Variants in CCNB3 observed in about 807,000 individuals in gnomAD.
CCNB3 encodes the protein G2/mitotic-specific cyclin-B3.
CCNB3 carries 12 observed loss-of-function variants against 68.0 expected under a neutral mutation model. The observed-to-expected ratio is 0.18, with a 90% CI of 0.11 to 0.29. The LOEUF (loss-of-function observed/expected upper bound fraction) is 0.29, where lower values mean the gene tolerates loss of function less well. CCNB3 is among the 10% of genes least tolerant of loss of function. The probability of loss-of-function intolerance (pLI) is 1.00; values close to 1 mark genes in which losing one functional copy is unlikely to be tolerated. For missense variants in CCNB3, 904 were observed against 993.1 expected, an observed-to-expected ratio of 0.91 and a Z score of 1.21; for synonymous variants, 354 against 388.9, an observed-to-expected ratio of 0.91 and a Z score of 1.06.
At position 50,310,462 on chromosome X, in the gene CCNB3, C is replaced by A; in HGVS notation, c.2293C>A (p.Gln765Lys). 1 of 1,209,948 alleles carries A rather than the reference C, an allele frequency of 8.3e-7. No individual in the cohort carries two copies. The highest frequency in any genetic ancestry group is 1.1e-6 in the Non-Finnish European group (1 of 894,432). Residue 765 changes from glutamine (Q) to lysine (K), a missense_variant, in exon 6 of 13, where the codon CAG becomes AAG. Around this residue, in one of 2 missense-constraint regions of CCNB3, gnomAD observed 619 missense variants for 609.8 expected, o/e 1.02. Coordinates refer to ENST00000376042, the MANE Select transcript of CCNB3 (RefSeq NM_033031.3). ...TGGAAAAGTGTTCTTCCTGAAGAAG[C>A]AGTTGGCTTTGAATGAGACCATCAA... Reference protein sequence around the residue: ...SHGKVFFLKKQLALNETINEE... With the variant: ...SHGKVFFLKKKLALNETINEE...
intron 8 of CCNB3, among the ~76,000 whole-genome samples, chrX:50,327,422 A>G (rs181239696): frequency 8.9e-6 from 1 of 112,324 alleles, no homozygotes; most frequent in Non-Finnish European, 1.9e-5. Flanking sequence ...GCTATAACTG[A>G]CACAGCTTGT....
intron 8 of CCNB3, among the ~76,000 whole-genome samples, chrX:50,326,688 T>C (rs1922311145): frequency 9.0e-6 from 1 of 111,671 alleles, no homozygotes; most frequent in Admixed American, 9.6e-5. Context: ...CAGAATGTCG[T>C]CTTTTCATAG....
intron 1 of CCNB3, among the ~76,000 whole-genome samples, chrX:50,216,589 CA>C (rs1274168003): frequency 8.9e-6 from 1 of 111,817 alleles, no homozygotes; most frequent in Non-Finnish European, 1.9e-5. Flanking sequence ...TTTTAAAATT[CA>C]CTTTGCCAAT....
At chrX:50,227,086 A>G (rs1262584189) in intron 1 of CCNB3, among the ~76,000 whole-genome samples, 4 of 82,146 alleles carry the variant, frequency 4.9e-5, no homozygotes, top group Non-Finnish European at 8.7e-5. Context: ...AAGAATATAT[A>G]TAAATATATA....
At chrX:50,347,273 A>G (rs1185621648) in intron 10 of CCNB3, among the ~76,000 whole-genome samples, 7 of 109,974 alleles carry the variant, frequency 6.4e-5, no homozygotes, top group African/African-American at 2.3e-4. Context: ...GGTTGTTTTG[A>G]GGTATGGAAC....
At chrX:50,348,739 A>G (rs1410494485) in intron 11 of CCNB3, among the ~76,000 whole-genome samples, 4 of 112,357 alleles carry the variant, frequency 3.6e-5, no homozygotes, top group Non-Finnish European at 7.5e-5. Context: ...ATAAGAAATA[A>G]CTCCCATGTT....
At chrX:50,325,919 CCTTT>C (rs1922275509) in intron 8 of CCNB3, among the ~76,000 whole-genome samples, 1 of 108,817 alleles carries the variant, frequency 9.2e-6, no homozygotes, top group Non-Finnish European at 1.9e-5. Flanking sequence ...TTTTTATTAT[CCTTT>C]CTTTTAAAAT....
intron 8 of CCNB3, among the ~76,000 whole-genome samples, chrX:50,340,725 A>G (rs782416765): frequency 1.5e-4 from 17 of 112,044 alleles, no homozygotes; most frequent in African/African-American, 4.2e-4. Context: ...TCTAATTTGC[A>G]GAAAGGTACT....
intron 1 of CCNB3, among the ~76,000 whole-genome samples, chrX:50,226,035 G>T (rs1001492219): frequency 2.2e-5 from 2 of 89,225 alleles, no homozygotes; most frequent in African/African-American, 8.1e-5. Flanking sequence ...TATATATATA[G>T]AATATATATA....
chrX:50,329,148 T>C (rs1392270927), intron 8 of CCNB3, among the ~76,000 whole-genome samples: 1 of 111,820 alleles, frequency 8.9e-6, no homozygotes, highest in South Asian at 3.8e-4. Context: ...AAGCTGCCCA[T>C]GGCTCTACAA....
intron 11 of CCNB3, among the ~76,000 whole-genome samples, chrX:50,351,024 A>G (rs782137340): frequency 1.8e-5 from 2 of 111,639 alleles, no homozygotes; most frequent in Non-Finnish European, 3.8e-5. Context: ...ACTGGTACGT[A>G]TGGATATAGC....
intron 8 of CCNB3, among the ~76,000 whole-genome samples, chrX:50,337,200 T>A (rs1298132750): frequency 1.3e-4 from 14 of 109,953 alleles, no homozygotes; most frequent in Non-Finnish European, 2.7e-4. Flanking sequence ...CTACTCTGGG[T>A]GGTCTAGGAG....
chrX:50,226,987 T>G (rs1294507481), intron 1 of CCNB3, among the ~76,000 whole-genome samples: 1 of 75,176 alleles, frequency 1.3e-5, no homozygotes, highest in Admixed American at 2.0e-4. Flanking sequence ...AGTATATATA[T>G]AGAATATATA....
intron 8 of CCNB3, among the ~76,000 whole-genome samples, chrX:50,317,571 T>TATGTATGTATGTATG (rs1557215964): frequency 2.4e-3 from 14 of 5,788 alleles, no homozygotes; most frequent in African/African-American, 8.1e-3. Context: ...ATGTATGTAT[T>TATGTATGTATGTATG]TATTTATTTA....
At chrX:50,347,250 A>G (rs1159966438) in intron 10 of CCNB3, among the ~76,000 whole-genome samples, 2 of 110,411 alleles carry the variant, frequency 1.8e-5, no homozygotes, top group African/African-American at 6.6e-5. Context: ...AGTTTAAATA[A>G]GAAAAGGGAA....
Position 50,310,797 on chromosome X carries a change from A to G in CCNB3, c.2628A>G (p.Arg876=), listed in dbSNP as rs1921393732. ...TTGAGCAGGAGGCCCTCTTTAAGCGACACTCAGCTTTGTGGGAGAAGCCCA... is the reference window on the plus strand; with the variant it reads ...TTGAGCAGGAGGCCCTCTTTAAGCGGCACTCAGCTTTGTGGGAGAAGCCCA... ...PSIEQEALFK[R]HSALWEKPST... Residue 876 remains arginine, a synonymous_variant, in exon 6 of 13, where the codon CGA becomes CGG. Transcript: ENST00000376042. The G allele has an allele frequency of 8.3e-7, 1 of 1,209,872 alleles. No individual in the cohort carries two copies. Among genetic ancestry groups the G allele is most frequent in the Non-Finnish European group, 1.1e-6 (1 of 895,166 alleles).
rs1381946168 is a variant in CCNB3 at position 50,351,765 on chromosome X, T to C, written c.*62T>C. The C allele has an allele frequency of 8.2e-6, 7 of 852,152 alleles. No individual in the cohort carries two copies. The highest frequency in any genetic ancestry group is 1.0e-5 in the Non-Finnish European group (6 of 603,001). 70.2% of individuals were successfully genotyped at this position (852,152 alleles called of 1,213,427 possible). A position where few individuals can be genotyped will look rare whatever the true frequency, so the allele number is the denominator to read the frequency against. ...TATATTTATTCTATGTTCGAATTTG[T>C]CTTTTGATCGCTTTTATTCATTTTT... On this transcript the variant is annotated 3_prime_UTR_variant, in exon 13 of 13. Coordinates refer to ENST00000376042, the MANE Select transcript of CCNB3 (RefSeq NM_033031.3).
At position 50,310,542 on chromosome X, in the gene CCNB3, T is replaced by A; in HGVS notation, c.2373T>A (p.Ile791=). 1 of 1,211,384 alleles carries A rather than the reference T, an allele frequency of 8.3e-7. No individual in the cohort carries two copies. Among genetic ancestry groups the A allele is most frequent in the Non-Finnish European group, 1.1e-6 (1 of 895,260 alleles). The change falls in exon 6 of 13, where the codon ATT becomes ATA. Residue 791 remains isoleucine, a synonymous_variant. Transcript: ENST00000376042. ...QPLALEGYPS[I]AEGETLFKKL... ...TGGCCTTGGAGGGGTATCCCAGCAT[T>A]GCGGAGGGGGAGACCCTCTTCAAGA...
chrX:50,298,166 A>G (rs1233190431), intron 5 of CCNB3, among the ~76,000 whole-genome samples: 1 of 111,500 alleles, frequency 9.0e-6, no homozygotes, highest in Non-Finnish European at 1.9e-5. Context: ...TTCCAACACT[A>G]TGTTGAATAG....
Sources: allele counts gnomAD v4.1 joint callset (sites outside exome capture counted in the v4.1 genomes callset), GRCh38; gene constraint gnomAD v4.1.1; regional missense constraint gnomAD v4.1.1; transcripts MANE v1.5; gene names NCBI Gene and HGNC (gene_info 2026-07-23, HGNC 2026-07-21).